Variants in SLC25A21 observed in about 807,000 individuals in gnomAD.
SLC25A21 encodes mitochondrial 2-oxodicarboxylate carrier.
Under a neutral mutation model 43.8 loss-of-function variants are expected in SLC25A21, and 47 were observed. The ratio of observed to expected loss-of-function variants is 1.07; its 90% CI spans 0.85 to 1.37. The LOEUF (loss-of-function observed/expected upper bound fraction) is 1.37. Ranked by LOEUF, SLC25A21 falls within the 40% of genes most tolerant of loss-of-function variation. The pLI is 0.00. For missense variants in SLC25A21, 352 were observed against 350.2 expected (o/e 1.00, Z -0.04); for synonymous variants, 131 against 121.3 (o/e 1.08, Z -0.52).
intron 1 of SLC25A21, among the ~76,000 whole-genome samples, chr14:36,897,884 T>C (rs574532658): frequency 3.9e-4 from 60 of 152,176 alleles, no homozygotes; most frequent in Non-Finnish European, 6.9e-4. Flanking sequence ...TGCCTGATCG[T>C]TCCTCTGGAA....
chr14:37,125,354 T>A (rs1358592465), intron 1 of SLC25A21, among the ~76,000 whole-genome samples: 1 of 152,066 alleles, frequency 6.6e-6, no homozygotes. Context: ...GGGTCCAGAG[T>A]CTACAATCCA....
At chr14:37,158,512 C>T (rs1201713773) in intron 1 of SLC25A21, among the ~76,000 whole-genome samples, 2 of 152,060 alleles carry the variant, frequency 1.3e-5, no homozygotes, top group Non-Finnish European at 2.9e-5. Flanking sequence ...GCAGAAAGAG[C>T]ATTTTATAAA....
chr14:37,082,236 G>A (rs1419619988), intron 1 of SLC25A21, among the ~76,000 whole-genome samples: 1 of 152,140 alleles, frequency 6.6e-6, no homozygotes, highest in Non-Finnish European at 1.5e-5. Flanking sequence ...CTACTAGAGG[G>A]TAGGGGGAAT....
chr14:37,167,501 T>C (rs1964049344), intron 1 of SLC25A21, among the ~76,000 whole-genome samples: 1 of 151,200 alleles, frequency 6.6e-6, no homozygotes, highest in South Asian at 2.1e-4. Flanking sequence ...AGGAACTTCA[T>C]TTATAGTTTA....
intron 1 of SLC25A21, among the ~76,000 whole-genome samples, chr14:37,106,923 T>TG (rs935284084): frequency 2.6e-5 from 4 of 152,196 alleles, no homozygotes; most frequent in African/African-American, 7.2e-5. Flanking sequence ...GTTGAAATAT[T>TG]GGGGGCGGGT....
intron 1 of SLC25A21, among the ~76,000 whole-genome samples, chr14:37,086,811 G>C (rs1365974624): frequency 1.3e-5 from 2 of 152,132 alleles, no homozygotes; most frequent in Non-Finnish European, 2.9e-5. Flanking sequence ...TTTTTGAGTT[G>C]AAAGGGAAAG....
chr14:36,964,253 C>T (rs1041033379), intron 1 of SLC25A21, among the ~76,000 whole-genome samples: 4 of 152,182 alleles, frequency 2.6e-5, no homozygotes, highest in African/African-American at 9.7e-5. Context: ...ACTTTCTACA[C>T]AGTGAGATAA....
chr14:36,891,685 A>C lies in SLC25A21; in HGVS notation c.71-16681T>G, dbSNP rs150445673. Among the ~76,000 whole-genome samples the C allele has an allele frequency of 3.2e-3, 491 of 152,206 alleles. 4 individuals are homozygous for C. Among genetic ancestry groups the C allele is most frequent in the African/African-American group, 0.011 (461 of 41,518 alleles). On this transcript the variant is annotated intron_variant, in intron 1 of 9. Coordinates refer to ENST00000331299, the MANE Select transcript of SLC25A21 (RefSeq NM_030631.4). The stretch of plus-strand genomic sequence containing the variant: ...GTCACAGCAAGATGGCGTTTCCCAG[A>C]ATCTCTTGAGTGTAGCCATGTGACT...
At chr14:36,960,075 G>A (rs1254531901) in intron 1 of SLC25A21, among the ~76,000 whole-genome samples, 2 of 152,190 alleles carry the variant, frequency 1.3e-5, no homozygotes, top group East Asian at 3.9e-4. Context: ...AGCCTACAGT[G>A]CAAAGGTCCA....
intron 1 of SLC25A21, among the ~76,000 whole-genome samples, chr14:36,895,703 T>A (rs1213084096): frequency 6.6e-6 from 1 of 152,176 alleles, no homozygotes; most frequent in Non-Finnish European, 1.5e-5. Context: ...CTCTACACAC[T>A]GCTTTGAATG....
chr14:36,942,310 T>C (rs982119286), intron 1 of SLC25A21, among the ~76,000 whole-genome samples: 3 of 152,140 alleles, frequency 2.0e-5, no homozygotes, highest in African/African-American at 7.2e-5. Flanking sequence ...TACACAAAAA[T>C]ATGCCATACA....
chr14:37,102,800 A>C (rs1440234516), intron 1 of SLC25A21, among the ~76,000 whole-genome samples: 1 of 151,986 alleles, frequency 6.6e-6, no homozygotes, highest in Non-Finnish European at 1.5e-5. Context: ...AGCCTGGCTA[A>C]CATGGTGAAA....
intron 1 of SLC25A21, among the ~76,000 whole-genome samples, chr14:37,003,131 A>T (rs1433505022): frequency 6.6e-6 from 1 of 152,232 alleles, no homozygotes; most frequent in East Asian, 1.9e-4. Flanking sequence ...CTATACATAC[A>T]TACCTATGAC....
intron 1 of SLC25A21, among the ~76,000 whole-genome samples, chr14:37,056,457 C>T (rs1400181744): frequency 1.3e-5 from 2 of 149,880 alleles, no homozygotes; most frequent in African/African-American, 4.9e-5. Flanking sequence ...CGCCACTGCA[C>T]TCCAGCCTGG....
chr14:36,950,124 G>T (rs1435588226), intron 1 of SLC25A21, among the ~76,000 whole-genome samples: 1 of 152,112 alleles, frequency 6.6e-6, no homozygotes. Flanking sequence ...CATATTTTGG[G>T]AAACCTTGAA....
At chr14:37,102,216 G>A (rs570813061) in intron 1 of SLC25A21, among the ~76,000 whole-genome samples, 3 of 152,022 alleles carry the variant, frequency 2.0e-5, no homozygotes, top group African/African-American at 4.8e-5. Flanking sequence ...TGAGGCAGGC[G>A]GATCACTTGA....
At chr14:36,979,745 C>T (rs74819256) in intron 1 of SLC25A21, among the ~76,000 whole-genome samples, 3,037 of 152,098 alleles carry the variant, frequency 0.02, 49 homozygotes, top group Non-Finnish European at 0.028. Context: ...TGAAGAAAAA[C>T]CCGGACCCTG....
At chr14:36,822,928 A>G (rs1401581375) in intron 2 of SLC25A21, among the ~76,000 whole-genome samples, 1 of 152,230 alleles carries the variant, frequency 6.6e-6, no homozygotes, top group East Asian at 1.9e-4. Context: ...TCACTACAAT[A>G]AACATTTACT....
chr14:36,823,270 A>G (rs1482544494), intron 2 of SLC25A21, among the ~76,000 whole-genome samples: 1 of 152,208 alleles, frequency 6.6e-6, no homozygotes, highest in Non-Finnish European at 1.5e-5. Context: ...GCTAATTAAC[A>G]TAGCTGTATA....
Sources: allele counts gnomAD v4.1 joint callset (sites outside exome capture counted in the v4.1 genomes callset), GRCh38; gene constraint gnomAD v4.1.1; transcripts MANE v1.5; gene names NCBI Gene and HGNC (gene_info 2026-07-23, HGNC 2026-07-21).